IFRD1: variants seen among roughly 807,000 people sequenced by gnomAD.
IFRD1 encodes the protein interferon related developmental regulator 1.
In IFRD1, 35 loss-of-function variants were observed where a neutral mutation model predicts 52.9. That is an observed-to-expected ratio of 0.66 (90% CI 0.51 to 0.88). The LOEUF is 0.88. IFRD1 is among the 40% of genes least tolerant of loss of function. The probability of loss-of-function intolerance (pLI) is 0.00; values close to 1 mark genes in which losing one functional copy is unlikely to be tolerated. For synonymous variants in IFRD1, 184 were observed against 188.4 expected, an observed-to-expected ratio of 0.98 and a Z score of 0.19; for missense variants, 517 against 550.8, an observed-to-expected ratio of 0.94 and a Z score of 0.61.
In IFRD1 at chr7:112,461,657, A is replaced by G; in HGVS notation, c.568-209A>G. 3 of 340,156 alleles carry G rather than the reference A, an allele frequency of 8.8e-6. No homozygotes were observed. In the South Asian group the frequency reaches 2.8e-4, roughly 31 times the overall value. The allele number at this position is 340,156 out of a possible 1,614,324, so 21.1% of individuals were successfully genotyped here. On this transcript the variant is annotated intron_variant, in intron 5 of 11. Transcript: ENST00000403825. ...ATCACTTTGTTAAAGTCATGCTGTG[A>G]ATTTAGTAGCAGAGCTTGAGCTGAA...
intron 9 of IFRD1, among the ~76,000 whole-genome samples, chr7:112,471,123 A>G (rs990114747): frequency 1.3e-5 from 2 of 152,212 alleles, no homozygotes; most frequent in African/African-American, 4.8e-5. Flanking sequence ...AGATTGAAAT[A>G]AGATAACTCT....
At chr7:112,442,585 C>A (rs1794918039) in intron 1 of IFRD1, among the ~76,000 whole-genome samples, 1 of 152,154 alleles carries the variant, frequency 6.6e-6, no homozygotes, top group Non-Finnish European at 1.5e-5. Context: ...GAGGAGGAAC[C>A]TCTTTGGTCA....
intron 1 of IFRD1, among the ~76,000 whole-genome samples, chr7:112,436,961 A>G (rs1794713522): frequency 6.6e-6 from 1 of 152,146 alleles, no homozygotes; most frequent in African/African-American, 2.4e-5. Flanking sequence ...ATTAAGCTGA[A>G]TAGGTGCATA....
intron 8 of IFRD1, among the ~76,000 whole-genome samples, chr7:112,464,997 C>T (rs978825958): frequency 1.3e-5 from 2 of 152,104 alleles, no homozygotes; most frequent in East Asian, 3.9e-4. Context: ...TATCTCCATA[C>T]CTTGACAAAG....
intron 11 of IFRD1, among the ~76,000 whole-genome samples, chr7:112,473,777 T>G (rs1463861360): frequency 2.0e-5 from 3 of 152,110 alleles, no homozygotes; most frequent in Non-Finnish European, 4.4e-5. Flanking sequence ...GAGATGAAAT[T>G]CATATAACAG....
chr7:112,423,540 T>TA (rs556773836), intron 1 of IFRD1: 12 of 152,326 alleles, frequency 7.9e-5, no homozygotes, highest in African/African-American at 2.6e-4. Flanking sequence ...TCCATGCTCT[T>TA]AACCCGGTAA....
intron 8 of IFRD1, among the ~76,000 whole-genome samples, chr7:112,462,973 G>A (rs528123530): frequency 6.6e-6 from 1 of 152,152 alleles, no homozygotes; most frequent in South Asian, 2.1e-4. Context: ...ACCTGTTTTT[G>A]GTTTAGCACT....
chr7:112,475,695 A>G lies in IFRD1; in HGVS notation c.*176A>G, dbSNP rs1795884071. 1 of 574,130 alleles carries G rather than the reference A, an allele frequency of 1.7e-6. No individual in the cohort carries two copies. The highest frequency in any genetic ancestry group is 3.3e-5 in the Admixed American group (1 of 30,750). The allele number at this position is 574,130 out of a possible 1,614,324, so 35.6% of individuals were successfully genotyped here. ...GAAACTGGTGAGTTCTGATTATTAA[A>G]TATTCTCTGTAAATCAGTAAACATG... On this transcript the variant is annotated 3_prime_UTR_variant, in exon 12 of 12. Transcript: ENST00000403825.
chr7:112,440,145 C>A (rs995299264), intron 1 of IFRD1, among the ~76,000 whole-genome samples: 19 of 152,142 alleles, frequency 1.2e-4, no homozygotes, highest in African/African-American at 4.6e-4. Context: ...GCCACCATGC[C>A]AAGCTAATTT....
Position 112,472,785 on chromosome 7 carries a change from A to G in IFRD1, c.1190A>G (p.Asn397Ser). Residue 397 changes from asparagine (N) to serine (S), a missense_variant, in exon 11 of 12, where the codon AAT becomes AGT. Physicochemically the swap from Asn to Ser is conservative, Grantham distance 46. Coordinates refer to ENST00000403825, the MANE Select transcript of IFRD1 (RefSeq NM_001550.4). ...CATAAGTCAAATGAATTCCTTCGAA[A>G]TGTATTTGAACTTGGACCCCCAGTG... ...YHLQSNEFLR[N>S]VFELGPPVML... 3 of 1,611,490 alleles carry G rather than the reference A, an allele frequency of 1.9e-6. No homozygotes were observed. Among genetic ancestry groups the G allele is most frequent in the South Asian group, 1.1e-5 (1 of 91,052 alleles).
rs529697356 is a variant in IFRD1, at chr7:112,475,199, T to C, written c.1267-231T>C. 8.7e-4 allele frequency among the ~76,000 whole-genome samples: 133 copies of C among 152,212 alleles called. 1 individual carries two copies. The South Asian group carries it at 0.018, about 21-fold the overall frequency. ...GGTCTCAATCTCCTGACCTCGTGATTCGCCCACCTCGGCCTCCCAGAGTGC... is the reference window on the plus strand; with the variant it reads ...GGTCTCAATCTCCTGACCTCGTGATCCGCCCACCTCGGCCTCCCAGAGTGC... On this transcript the variant is annotated intron_variant, in intron 11 of 11. Transcript: ENST00000403825.
chr7:112,423,588 T>C (rs1319520558), intron 1 of IFRD1, among the ~76,000 whole-genome samples: 1 of 152,128 alleles, frequency 6.6e-6, no homozygotes, highest in South Asian at 2.1e-4. Flanking sequence ...AATCTTTCTT[T>C]GAGATTGAAC....
chr7:112,453,351 G>C (rs1213311345), intron 1 of IFRD1, among the ~76,000 whole-genome samples: 2 of 152,170 alleles, frequency 1.3e-5, no homozygotes, highest in Non-Finnish European at 2.9e-5. Flanking sequence ...TGTGCCTAGA[G>C]TGCCATCTCT....
At chr7:112,470,002 TG>T (rs762371133) in intron 9 of IFRD1, among the ~76,000 whole-genome samples, 2 of 151,732 alleles carry the variant, frequency 1.3e-5, no homozygotes, top group Non-Finnish European at 2.9e-5. Flanking sequence ...GCTTCTCGGA[TG>T]GGTCTTTAAA....
At chr7:112,463,887 CACACACA>C (rs1463267146) in intron 8 of IFRD1, among the ~76,000 whole-genome samples, 517 of 18,950 alleles carry the variant, frequency 0.027, 2 homozygotes, top group African/African-American at 0.16. Context: ...CACACACACA[CACACACA>C]CCCCACGTAT....
chr7:112,464,850 A>G (rs1305089342), intron 8 of IFRD1, among the ~76,000 whole-genome samples: 1 of 152,182 alleles, frequency 6.6e-6, no homozygotes. Context: ...ACAGCGAGAA[A>G]AAAGATAATC....
At chr7:112,472,428 T>A in intron 10 of IFRD1, 81 bp downstream of exon 10, 1 of 1,473,254 alleles carries the variant, frequency 6.8e-7, no homozygotes, top group South Asian at 1.1e-5. Flanking sequence ...GCTTTTGAAA[T>A]TAATTAGGTA....
intron 1 of IFRD1, among the ~76,000 whole-genome samples, chr7:112,440,205 G>A (rs1194480970): frequency 3.3e-5 from 5 of 152,082 alleles, no homozygotes; most frequent in Admixed American, 3.3e-4. Flanking sequence ...GGCTAGTCTC[G>A]AACTCCTGAC....
At chr7:112,475,401 AT>A (rs759107871) in intron 11 of IFRD1, 28 bp from the exon 12 acceptor site, 3 of 1,268,108 alleles carry the variant, frequency 2.4e-6, no homozygotes, top group East Asian at 2.3e-5. Flanking sequence ...AGTCTTACTG[AT>A]GCACGTTTTT....
Sources: allele counts gnomAD v4.1 joint callset (sites outside exome capture counted in the v4.1 genomes callset), GRCh38; gene constraint gnomAD v4.1.1; transcripts MANE v1.5; gene names NCBI Gene and HGNC (gene_info 2026-07-23, HGNC 2026-07-21).